The following CYP39A1 variants were observed in gnomAD, a reference collection of about 807,000 sequenced individuals.
CYP39A1 encodes the protein cytochrome P450 family 39 subfamily A member 1, also known as 24-hydroxycholesterol 7-alpha-hydroxylase.
A neutral mutation model predicts 58.1 loss-of-function variants in CYP39A1; 49 were observed. That is an observed-to-expected ratio of 0.84 (90% CI 0.67 to 1.07). The LOEUF (loss-of-function observed/expected upper bound fraction) is 1.07. Ranked by LOEUF, CYP39A1 falls within the 50% of genes least tolerant of loss-of-function variation. The pLI is 0.00. For missense variants in CYP39A1, 531 were observed against 539.4 expected, an observed-to-expected ratio of 0.98 and a Z score of 0.16; for synonymous variants, 209 against 187.6, an observed-to-expected ratio of 1.11 and a Z score of -0.93.
At chr6:46,607,382 T>C (rs555261866) in intron 7 of CYP39A1, among the ~76,000 whole-genome samples, 1 of 149,090 alleles carries the variant, frequency 6.7e-6, no homozygotes, top group Non-Finnish European at 1.5e-5. Context: ...AAAAAGAACA[T>C]GAGTCAAATA....
At chr6:46,624,990 C>A (rs1223471636) in intron 7 of CYP39A1, among the ~76,000 whole-genome samples, 2 of 152,038 alleles carry the variant, frequency 1.3e-5, no homozygotes, top group African/African-American at 4.8e-5. Flanking sequence ...TGGTAGCAAG[C>A]CTTACCTGAC....
intron 7 of CYP39A1, among the ~76,000 whole-genome samples, chr6:46,605,391 G>A (rs73735798): frequency 0.053 from 8,127 of 152,146 alleles, 463 homozygotes; most frequent in African/African-American, 0.14. Context: ...AGAGTGTCAA[G>A]GAAAATTCTT....
intron 10 of CYP39A1, among the ~76,000 whole-genome samples, chr6:46,565,371 T>C (rs1771219372): frequency 6.6e-6 from 1 of 151,768 alleles, no homozygotes; most frequent in Non-Finnish European, 1.5e-5. Context: ...GGTGAAAGCA[T>C]AATCTGGTAG....
At chr6:46,648,862 T>C (rs539485894) in intron 1 of CYP39A1, among the ~76,000 whole-genome samples, 82 of 152,088 alleles carry the variant, frequency 5.4e-4, no homozygotes, top group Non-Finnish European at 1.1e-3. Context: ...TAGATACTTG[T>C]AGATAGCTGC....
At chr6:46,610,875 T>A (rs914455577) in intron 7 of CYP39A1, among the ~76,000 whole-genome samples, 43 of 152,168 alleles carry the variant, frequency 2.8e-4, no homozygotes, top group African/African-American at 1.0e-3. Flanking sequence ...TCCATATAGG[T>A]CCTGCCCCAG....
At chr6:46,614,649 C>G (rs562814346) in intron 7 of CYP39A1, among the ~76,000 whole-genome samples, 1 of 152,222 alleles carries the variant, frequency 6.6e-6, no homozygotes, top group East Asian at 1.9e-4. Context: ...CTTTTTTCTC[C>G]ATATTGGACA....
intron 1 of CYP39A1, among the ~76,000 whole-genome samples, chr6:46,644,241 TTGGGGAC>T (rs1182338147): frequency 6.6e-6 from 1 of 152,214 alleles, no homozygotes; most frequent in African/African-American, 2.4e-5. Context: ...TATACAATTT[TTGGGGAC>T]TGGCTTTTCA....
At chr6:46,616,021 C>CT (rs1774518841) in intron 7 of CYP39A1, among the ~76,000 whole-genome samples, 1 of 116,922 alleles carries the variant, frequency 8.6e-6, no homozygotes, top group African/African-American at 3.0e-5. Context: ...CTCCCTCCCC[C>CT]TCCCTCCCTC....
chr6:46,652,305 T>A, intron 1 of CYP39A1, 101 bp downstream of exon 1: 1 of 1,162,456 alleles, frequency 8.6e-7, no homozygotes, highest in East Asian at 2.5e-5. Context: ...CAAGCAGGTA[T>A]GTTCCCCGTG....
chr6:46,648,698 T>C (rs184335483), intron 1 of CYP39A1, among the ~76,000 whole-genome samples: 1 of 152,088 alleles, frequency 6.6e-6, no homozygotes, highest in East Asian at 1.9e-4. Context: ...CCTACTCTTA[T>C]GCAAACAGTA....
intron 7 of CYP39A1, among the ~76,000 whole-genome samples, chr6:46,608,410 T>C (rs1773979888): frequency 6.6e-6 from 1 of 152,082 alleles, no homozygotes; most frequent in Admixed American, 6.5e-5. Context: ...AACTTTACAA[T>C]AGTCAGTATT....
intron 7 of CYP39A1, among the ~76,000 whole-genome samples, chr6:46,609,263 C>A (rs1239982021): frequency 6.6e-6 from 1 of 151,444 alleles, no homozygotes; most frequent in Non-Finnish European, 1.5e-5. Context: ...ATTAGCCGGG[C>A]GTGGTGGCGG....
chr6:46,618,671 T>C (rs1277594509), intron 7 of CYP39A1, among the ~76,000 whole-genome samples: 1 of 152,182 alleles, frequency 6.6e-6, no homozygotes, highest in Non-Finnish European at 1.5e-5. Context: ...AGATATTGGC[T>C]GGGACTAGGT....
chr6:46,601,053 AGTT>A lies in CYP39A1; in HGVS notation c.932-4936_932-4934del, dbSNP rs1773465467. Among the ~76,000 whole-genome samples the A allele has an allele frequency of 2.6e-5, 4 of 152,178 alleles. No individual in the cohort carries two copies. The South Asian group carries it at 8.3e-4, about 31-fold the overall frequency. ...TGCAGTTAGTGTCAGAATTGAATTA[AGTT>A]CTAGGACACCCAGTTGATATCTGAA... On this transcript the variant is annotated intron_variant, in intron 7 of 11. Transcript: ENST00000275016.
chr6:46,568,561 TGTATGGTA>T, intron 10 of CYP39A1, among the ~76,000 whole-genome samples: 1 of 152,092 alleles, frequency 6.6e-6, no homozygotes, highest in East Asian at 1.9e-4. Context: ...TTAATTTTGG[TGTATGGTA>T]TTAGGTTATA....
At chr6:46,582,445 C>T (rs1438740384) in intron 10 of CYP39A1, among the ~76,000 whole-genome samples, 1 of 152,104 alleles carries the variant, frequency 6.6e-6, no homozygotes, top group Non-Finnish European at 1.5e-5. Context: ...AATATATCAT[C>T]GCCTTGCTAT....
Position 46,642,183 on chromosome 6 carries a change from T to A in CYP39A1, c.293A>T (p.Gln98Leu), listed in dbSNP as rs748942619. 6.2e-7 allele frequency: 1 copy of A among 1,612,934 alleles called. No homozygotes were observed. The highest frequency in any genetic ancestry group is 8.5e-7 in the Non-Finnish European group (1 of 1,179,400). ...TTTACCTGTACGATAAACGATATTT[T>A]GCACTGCTAGTTCAAAATCTACTTT... The part of the protein sequence containing the change: ...SKKVDFELAV[Q>L]NIVYRTASIP... The change falls in exon 2 of 12, where the codon CAA (glutamine) becomes CTA (leucine). Residue 98 changes from glutamine to leucine, a missense_variant. Transcript: ENST00000275016.
chr6:46,643,889 T>C (rs1451662550), intron 1 of CYP39A1, among the ~76,000 whole-genome samples: 1 of 152,146 alleles, frequency 6.6e-6, no homozygotes, highest in Non-Finnish European at 1.5e-5. Context: ...GTAGAAGTGG[T>C]GCTTGTATAT....
intron 10 of CYP39A1, chr6:46,586,276 A>T (rs1372992929): frequency 3.1e-6 from 3 of 980,558 alleles, no homozygotes; most frequent in Non-Finnish European, 3.6e-6. Context: ...ACAATTTTTT[A>T]AATATAAAAA....
Sources: allele counts gnomAD v4.1 joint callset (sites outside exome capture counted in the v4.1 genomes callset), GRCh38; gene constraint gnomAD v4.1.1; transcripts MANE v1.5; gene names NCBI Gene and HGNC (gene_info 2026-07-23, HGNC 2026-07-21).